The following PRORP variants were observed in gnomAD, a reference collection of about 807,000 sequenced individuals.
PRORP encodes the protein protein only RNase P catalytic subunit.
In PRORP, 51 loss-of-function variants were observed where a neutral mutation model predicts 59.4. That is an observed-to-expected ratio of 0.86 (90% CI 0.69 to 1.08). The LOEUF is 1.08. Among genes scored for constraint, PRORP ranks in the 50% least tolerant of loss-of-function variants. The pLI, the probability that PRORP is intolerant of heterozygous loss-of-function variation, is 0.00. For synonymous variants in PRORP, 231 were observed against 245.6 expected (o/e 0.94, Z 0.55); for missense variants, 646 against 690.3 (o/e 0.94, Z 0.72).
At chr14:35,138,883 T>TG (rs1390884325) in intron 4 of PRORP, among the ~76,000 whole-genome samples, 1 of 144,824 alleles carries the variant, frequency 6.9e-6, no homozygotes, top group African/African-American at 2.4e-5. Flanking sequence ...CTCTGTCTCC[T>TG]GGGTTCACAT....
At chr14:35,173,652 G>A (rs1018719793) in intron 4 of PRORP, among the ~76,000 whole-genome samples, 1 of 151,910 alleles carries the variant, frequency 6.6e-6, no homozygotes, top group Non-Finnish European at 1.5e-5. Context: ...TGTTCCTGCT[G>A]GCCATACTGT....
At chr14:35,153,171 C>T (rs1486204538) in intron 4 of PRORP, among the ~76,000 whole-genome samples, 2 of 152,246 alleles carry the variant, frequency 1.3e-5, no homozygotes, top group African/African-American at 2.4e-5. Flanking sequence ...GCGGATCACT[C>T]GCGGTTAGGA....
intron 4 of PRORP, among the ~76,000 whole-genome samples, chr14:35,172,829 G>T (rs1004459239): frequency 1.7e-4 from 26 of 150,860 alleles, no homozygotes; most frequent in African/African-American, 6.3e-4. Context: ...GCGTCCCAAA[G>T]TGCTGGGATT....
intron 4 of PRORP, among the ~76,000 whole-genome samples, chr14:35,130,664 A>G (rs914059965): frequency 6.6e-6 from 1 of 151,654 alleles, no homozygotes; most frequent in Admixed American, 6.6e-5. Flanking sequence ...TTGTATTTTT[A>G]GTAGAGACAG....
chr14:35,151,767 T>A (rs919750576), intron 4 of PRORP, among the ~76,000 whole-genome samples: 31 of 152,112 alleles, frequency 2.0e-4, no homozygotes, highest in African/African-American at 7.0e-4. Flanking sequence ...CACTGTTGTA[T>A]CCTCATAACT....
intron 5 of PRORP, among the ~76,000 whole-genome samples, chr14:35,264,260 T>C (rs1415804145): frequency 6.6e-6 from 1 of 152,104 alleles, no homozygotes; most frequent in Non-Finnish European, 1.5e-5. Context: ...CCCCAGTAGC[T>C]GGGATTACAA....
At chr14:35,169,042 A>G (rs1485822684) in intron 4 of PRORP, among the ~76,000 whole-genome samples, 3 of 145,356 alleles carry the variant, frequency 2.1e-5, no homozygotes, top group African/African-American at 7.6e-5. Context: ...TTCTTTTTCT[A>G]CCTTTTTAAG....
intron 4 of PRORP, among the ~76,000 whole-genome samples, chr14:35,172,453 C>CTTCCTTCT: frequency 4.3e-5 from 2 of 46,708 alleles, no homozygotes; most frequent in African/African-American, 1.2e-4. Context: ...TCCTTCCTTC[C>CTTCCTTCT]TTCTTTCTTT....
At chr14:35,152,920 C>T (rs2047811421) in intron 4 of PRORP, among the ~76,000 whole-genome samples, 2 of 151,038 alleles carry the variant, frequency 1.3e-5, no homozygotes, top group Admixed American at 1.3e-4. Flanking sequence ...GGCAGCCGGG[C>T]AGAGGGGCTC....
At chr14:35,240,980 T>C (rs1013763050) in intron 5 of PRORP, among the ~76,000 whole-genome samples, 1 of 152,160 alleles carries the variant, frequency 6.6e-6, no homozygotes, top group African/African-American at 2.4e-5. Flanking sequence ...ATGTACAGAC[T>C]TTTTTTCTTG....
intron 5 of PRORP, among the ~76,000 whole-genome samples, chr14:35,256,960 C>T (rs1029750237): frequency 6.6e-6 from 1 of 151,436 alleles, no homozygotes; most frequent in Admixed American, 6.6e-5. Context: ...GCAACCTCCT[C>T]CTCCTAGGTT....
intron 5 of PRORP, chr14:35,235,654 G>T: frequency 2.4e-6 from 1 of 420,488 alleles, no homozygotes; most frequent in South Asian, 2.2e-5. Flanking sequence ...TCTTCTCTTG[G>T]GAAGCTAATA....
intron 5 of PRORP, among the ~76,000 whole-genome samples, chr14:35,259,882 G>A (rs2050854845): frequency 6.6e-6 from 1 of 151,874 alleles, no homozygotes; most frequent in African/African-American, 2.4e-5. Context: ...CGGACAGCGA[G>A]ATTCTGTCTC....
intron 4 of PRORP, among the ~76,000 whole-genome samples, chr14:35,129,682 T>C (rs1244151189): frequency 1.3e-5 from 2 of 151,826 alleles, no homozygotes; most frequent in Admixed American, 6.6e-5. Flanking sequence ...GGTTTCACCA[T>C]GTTGGTCAGG....
At chr14:35,257,831 G>C (rs2050797688) in intron 5 of PRORP, among the ~76,000 whole-genome samples, 1 of 152,102 alleles carries the variant, frequency 6.6e-6, no homozygotes, top group African/African-American at 2.4e-5. Context: ...GAGGTAAAAA[G>C]GTATAAGCAC....
chr14:35,154,630 G>A (rs1007233331), intron 4 of PRORP, among the ~76,000 whole-genome samples: 10 of 151,534 alleles, frequency 6.6e-5, no homozygotes, highest in Admixed American at 3.3e-4. Context: ...TACACCTCAA[G>A]GGTACAATTA....
chr14:35,126,866 C>T (rs1179545845), intron 3 of PRORP, 84 bp downstream of exon 3: 2 of 953,860 alleles, frequency 2.1e-6, no homozygotes, highest in East Asian at 5.2e-5. Flanking sequence ...TTTAAGAACA[C>T]CTTAAGGGTA....
chr14:35,136,249 G>A (rs1261649170), intron 4 of PRORP, among the ~76,000 whole-genome samples: 2 of 152,152 alleles, frequency 1.3e-5, no homozygotes, highest in African/African-American at 4.8e-5. Flanking sequence ...TTTTCGGCTT[G>A]GGTGATGGGG....
chr14:35,152,372 T>C (rs1345392944), intron 4 of PRORP, among the ~76,000 whole-genome samples: 2 of 152,210 alleles, frequency 1.3e-5, no homozygotes, highest in African/African-American at 2.4e-5. Context: ...CTCTATCTTT[T>C]CCCCACCTTT....
Sources: allele counts gnomAD v4.1 joint callset (sites outside exome capture counted in the v4.1 genomes callset), GRCh38; gene constraint gnomAD v4.1.1; transcripts MANE v1.5; gene names NCBI Gene and HGNC (gene_info 2026-07-23, HGNC 2026-07-21).